The following UBE3C variants were observed in gnomAD, a reference collection of about 807,000 sequenced individuals.
The protein encoded by UBE3C is ubiquitin-protein ligase E3C.
Under a neutral mutation model 129.4 loss-of-function variants are expected in UBE3C, and 42 were observed. That is an observed-to-expected ratio of 0.32 (90% confidence interval 0.25 to 0.42). The LOEUF is 0.42. Ranked by LOEUF, UBE3C falls within the 10% of genes least tolerant of loss-of-function variation. UBE3C has a pLI of 1.00. For missense variants in UBE3C, 1,049 were observed against 1,319.1 expected (o/e 0.80, Z 3.17); for synonymous variants, 510 against 492.4 (o/e 1.04, Z -0.47).
In UBE3C at chr7:157,186,785, G is replaced by T. The variant is rs140362908; in HGVS notation, c.1144-49G>T. On this transcript the variant is annotated intron_variant, in intron 9 of 22. Coordinates refer to ENST00000348165, the MANE Select transcript of UBE3C (RefSeq NM_014671.3). ...CGTATATGTTTGTAGTGTAGAGGAC[G>T]TTCCAGTTGAGCACATTTATGGAGA... 2.9e-5 allele frequency: 47 copies of T among 1,598,816 alleles called. No individual in the cohort carries two copies. The African/African-American group carries it at 3.3e-4, about 11-fold the overall frequency.
intron 1 of UBE3C, among the ~76,000 whole-genome samples, chr7:157,143,599 A>G (rs1463480022): frequency 6.6e-6 from 1 of 152,132 alleles, no homozygotes; most frequent in African/African-American, 2.4e-5. Context: ...CAGGAGAGGA[A>G]AGTCTGATTG....
intron 22 of UBE3C, among the ~76,000 whole-genome samples, chr7:157,263,391 C>T (rs6459749): frequency 0.071 from 10,813 of 152,166 alleles, 941 homozygotes; most frequent in African/African-American, 0.2. Context: ...GAAAGTCGAA[C>T]GGGGGCCGGG....
chr7:157,243,096 A>G (rs1378626924), intron 18 of UBE3C, among the ~76,000 whole-genome samples: 3 of 151,990 alleles, frequency 2.0e-5, no homozygotes, highest in Admixed American at 6.6e-5. Context: ...CTCAAAATGT[A>G]TCATATTGTG....
At chr7:157,144,011 A>G (rs979496711) in intron 1 of UBE3C, among the ~76,000 whole-genome samples, 5 of 152,238 alleles carry the variant, frequency 3.3e-5, no homozygotes, top group Admixed American at 2.6e-4. Context: ...CAAGTGCTGC[A>G]CAGACACAGT....
chr7:157,217,021 CT>C lies in UBE3C; in HGVS notation c.1914+52del, dbSNP rs771692460. 4 of 1,417,854 alleles carry C rather than the reference CT, an allele frequency of 2.8e-6. No homozygotes were observed. The African/African-American group carries it at 4.3e-5, about 15-fold the overall frequency. The allele number at this position is 1,417,854 out of a possible 1,614,324, so 87.8% of individuals were successfully genotyped here. Reference sequence around the variant, plus strand: ...ATTTATCATTAAAAAATACATTCAGCTTGTGTCTTTCTGGAGAGAAGAATTA... The same window carrying C: ...ATTTATCATTAAAAAATACATTCAGCTGTGTCTTTCTGGAGAGAAGAATTA... On this transcript the variant is annotated intron_variant, in intron 14 of 22. Coordinates refer to ENST00000348165, the MANE Select transcript of UBE3C (RefSeq NM_014671.3).
intron 1 of UBE3C, among the ~76,000 whole-genome samples, chr7:157,153,952 G>A (rs953852359): frequency 6.6e-6 from 1 of 151,902 alleles, no homozygotes; most frequent in Non-Finnish European, 1.5e-5. Flanking sequence ...AGCCAAGACC[G>A]CGCCACTGCA....
rs188550717 is a variant in UBE3C, at chr7:157,175,475, C to T, written c.458+441C>T. Among the ~76,000 whole-genome samples the T allele has an allele frequency of 5.3e-5, 8 of 152,234 alleles. No homozygotes were observed. In the East Asian group the frequency reaches 5.8e-4, roughly 11 times the overall value. ...GTAGGAACGCAGCATAAGCCACTGC[C>T]GTGACTTTCTTGCATTCAGTGTCCG... On this transcript the variant is annotated intron_variant, in intron 5 of 22. Transcript: ENST00000348165.
intron 19 of UBE3C, among the ~76,000 whole-genome samples, chr7:157,250,031 A>C (rs561988686): frequency 2.6e-5 from 4 of 152,290 alleles, no homozygotes; most frequent in South Asian, 2.1e-4. Flanking sequence ...TACAAATCCA[A>C]ACACTTCTGG....
intron 21 of UBE3C, among the ~76,000 whole-genome samples, chr7:157,255,200 C>G (rs899483193): frequency 6.6e-6 from 1 of 152,086 alleles, no homozygotes; most frequent in African/African-American, 2.4e-5. Context: ...GATAAATGGC[C>G]AGTAAGCAAA....
intron 2 of UBE3C, among the ~76,000 whole-genome samples, chr7:157,168,334 C>CAAAA (rs34110466): frequency 2.7e-5 from 3 of 110,054 alleles, no homozygotes; most frequent in African/African-American, 9.3e-5. Flanking sequence ...GACTCTGTCT[C>CAAAA]AAAAAAAAAA....
At chr7:157,157,248 T>A (rs908311490) in intron 1 of UBE3C, among the ~76,000 whole-genome samples, 1 of 152,202 alleles carries the variant, frequency 6.6e-6, no homozygotes, top group African/African-American at 2.4e-5. Context: ...CATATAATCC[T>A]AAGCTGCAGC....
At chr7:157,252,274 G>A (rs1321025382) in intron 19 of UBE3C, among the ~76,000 whole-genome samples, 1 of 152,154 alleles carries the variant, frequency 6.6e-6, no homozygotes, top group Non-Finnish European at 1.5e-5. Context: ...TTTATTACCT[G>A]CCTCTAATCC....
intron 10 of UBE3C, chr7:157,192,912 A>C: frequency 1.4e-6 from 1 of 691,336 alleles, no homozygotes; most frequent in Non-Finnish European, 2.6e-6. Flanking sequence ...TGAGGTAGTG[A>C]ATGCCACTTT....
intron 16 of UBE3C, 82 bp from the exon 17 acceptor site, chr7:157,225,325 A>G: frequency 3.4e-6 from 5 of 1,482,492 alleles, no homozygotes; most frequent in Non-Finnish European, 2.7e-6. Context: ...GATACAAAAG[A>G]TAAGATTTAG....
intron 9 of UBE3C, 72 bp from the exon 10 acceptor site, chr7:157,186,762 T>C: frequency 6.5e-7 from 1 of 1,528,224 alleles, no homozygotes; most frequent in Non-Finnish European, 8.9e-7. Context: ...TGTGATTTCG[T>C]ATATGTTTGT....
Position 157,182,126 on chromosome 7 carries a change from C to T in UBE3C, c.789C>T (p.Ala263=). The T allele has an allele frequency of 6.3e-7, 1 of 1,577,320 alleles. No homozygotes were observed. Among genetic ancestry groups the T allele is most frequent in the Non-Finnish European group, 8.6e-7 (1 of 1,167,296 alleles). The change falls in exon 8 of 23, where the codon GCC becomes GCT. Residue 263 remains alanine, a synonymous_variant. Coordinates refer to ENST00000348165, the MANE Select transcript of UBE3C (RefSeq NM_014671.3). ...TTTTCAGGCAACAAGTTTTTACAGC[C>T]TTCACAGAGGAGTTTCTGGCAGCAC... ...PEGARQQVFT[A]FTEEFLAAPF...
intron 18 of UBE3C, among the ~76,000 whole-genome samples, chr7:157,247,326 T>A (rs972158400): frequency 1.3e-5 from 2 of 152,264 alleles, no homozygotes; most frequent in African/African-American, 4.8e-5. Context: ...ACTGCATGTC[T>A]AGCACAGTGC....
rs1287986363 is a variant in UBE3C, at chr7:157,139,281, C to T, written c.9C>T (p.Ser3=). The T allele has an allele frequency of 4.4e-6, 7 of 1,580,996 alleles. No homozygotes were observed. The highest frequency in any genetic ancestry group is 6.0e-6 in the Non-Finnish European group (7 of 1,170,530). MF[S]FEGDFKTRPK... is the part of the protein sequence containing the mutation. ...TGGGCTAGGCTGCCAGGATGTTCAG[C>T]TTCGAAGGCGACTTCAAGACGCGGC... The change falls in exon 1 of 23, where the codon AGC becomes AGT. Residue 3 remains serine (S), a synonymous_variant. Coordinates refer to ENST00000348165, the MANE Select transcript of UBE3C (RefSeq NM_014671.3).
intron 13 of UBE3C, 120 bp downstream of exon 13, chr7:157,208,055 CTTTTTTTTTTTTTTTT>C (rs35366316): frequency 1.6e-3 from 148 of 93,708 alleles, no homozygotes; most frequent in East Asian, 3.4e-3. Context: ...ATTTGCAAGA[CTTTTTTTTTTTTTTTT>C]TTTTTTTTTT....
Sources: gnomAD v4.1 joint callset for allele counts (sites outside exome capture counted in the v4.1 genomes callset) on GRCh38, gnomAD v4.1.1 for gene constraint, MANE v1.5 for transcripts, NCBI Gene and HGNC (gene_info 2026-07-23, HGNC 2026-07-21) for gene names.